Variants in SDCCAG8 observed in about 807,000 individuals in gnomAD.
SDCCAG8 encodes the protein serologically defined colon cancer antigen 8.
Under a neutral mutation model 101.8 loss-of-function variants are expected in SDCCAG8, and 74 were observed. The ratio of observed to expected loss-of-function variants is 0.73; its 90% CI spans 0.60 to 0.88. The LOEUF (loss-of-function observed/expected upper bound fraction) is 0.88. Among genes scored for constraint, SDCCAG8 ranks in the 40% least tolerant of loss-of-function variants. SDCCAG8 has a pLI of 0.00. For missense variants in SDCCAG8, 787 were observed against 822.6 expected, an observed-to-expected ratio of 0.96 and a Z score of 0.53; for synonymous variants, 281 against 292.9, an observed-to-expected ratio of 0.96 and a Z score of 0.41.
Position 243,256,061 on chromosome 1 carries a change from A to G in SDCCAG8, c.-113A>G. ...GCGGGATTCTAGGCTCCCCTGTGAC[A>G]GCCGCGGCAGGAAGCAGGCGGGCGC... On this transcript the variant is annotated 5_prime_UTR_variant, in exon 1 of 18. Transcript: ENST00000366541. The G allele has an allele frequency of 1.0e-6, 1 of 972,946 alleles. No individual in the cohort carries two copies. The allele number at this position is 972,946 out of a possible 1,614,324, so 60.3% of individuals were successfully genotyped here.
In SDCCAG8 at chr1:243,337,698, C is replaced by T. The variant is rs13375415; in HGVS notation, c.1222-3341C>T. Among the ~76,000 whole-genome samples, 722 of 152,226 alleles carry T rather than the reference C, an allele frequency of 4.7e-3. 5 individuals are homozygous for T. The highest frequency in any genetic ancestry group is 0.017 in the African/African-American group (696 of 41,536). Reference sequence around the variant, plus strand: ...AATATAATGTCTGACTTACCGTGGGCATTTAATAAATTTTAGCTTGTGGCT... The same window carrying T: ...AATATAATGTCTGACTTACCGTGGGTATTTAATAAATTTTAGCTTGTGGCT... On this transcript the variant is annotated intron_variant, in intron 10 of 17. Transcript: ENST00000366541.
At chr1:243,296,686 G>A (rs1335858401) in intron 6 of SDCCAG8, among the ~76,000 whole-genome samples, 1 of 151,158 alleles carries the variant, frequency 6.6e-6, no homozygotes, top group Admixed American at 6.6e-5. Context: ...GGGACTACAG[G>A]CGCCCGCCAC....
intron 16 of SDCCAG8, among the ~76,000 whole-genome samples, chr1:243,433,390 G>T (rs1049771865): frequency 6.7e-6 from 1 of 149,672 alleles, no homozygotes; most frequent in Non-Finnish European, 1.5e-5. Flanking sequence ...ATACTCTGCC[G>T]CACTCTCGTG....
rs1438326352 is a variant in SDCCAG8, at chr1:243,270,109, T to C, written c.72T>C (p.His24=). ...TTCGTCAGGTTGTTCTTGCAGAACA[T>C]GCCAGCAGAAGCATTCACCAACTGA... is the stretch of plus-strand genomic sequence containing the variant. ...LGQYQRSLRE[H]ASRSIHQLTC... Residue 24 remains histidine, a synonymous_variant, in exon 2 of 18, where the codon CAT becomes CAC. Transcript: ENST00000366541. 1.2e-6 allele frequency: 2 copies of C among 1,614,198 alleles called. No individual in the cohort carries two copies. The highest frequency in any genetic ancestry group is 1.7e-6 in the Non-Finnish European group (2 of 1,180,046).
intron 13 of SDCCAG8, 65 bp downstream of exon 13, chr1:243,378,928 T>G: frequency 6.3e-7 from 1 of 1,597,668 alleles, no homozygotes; most frequent in South Asian, 1.1e-5. Context: ...GCCACAGGCT[T>G]CCAAACAGTT....
chr1:243,427,646 T>C lies in SDCCAG8; in HGVS notation c.1985+1088T>C, dbSNP rs758877068. On this transcript the variant is annotated intron_variant, in intron 16 of 17. Transcript: ENST00000366541. The stretch of plus-strand genomic sequence containing the variant: ...GGAAATGAAAATATTTATAGACTCC[T>C]TGTATTTTTTTAAATGTAAAGTAAG... 9.2e-5 allele frequency among the ~76,000 whole-genome samples: 14 copies of C among 152,310 alleles called. No individual in the cohort carries two copies. In the South Asian group the frequency reaches 2.5e-3, roughly 27 times the overall value.
At chr1:243,482,959 C>T (rs1401905435) in intron 16 of SDCCAG8, among the ~76,000 whole-genome samples, 9 of 152,174 alleles carry the variant, frequency 5.9e-5, no homozygotes, top group Admixed American at 5.2e-4. Flanking sequence ...CTTCTTGCAG[C>T]GGGGGCTGCT....
chr1:243,390,043 G>T (rs2078607084), intron 13 of SDCCAG8, among the ~76,000 whole-genome samples: 1 of 152,126 alleles, frequency 6.6e-6, no homozygotes, highest in Non-Finnish European at 1.5e-5. Flanking sequence ...CTCATCTTAA[G>T]ATAACAACAA....
At chr1:243,384,590 CCACACACA>C (rs113914411) in intron 13 of SDCCAG8, among the ~76,000 whole-genome samples, 1 of 149,346 alleles carries the variant, frequency 6.7e-6, no homozygotes, top group Non-Finnish European at 1.5e-5. Flanking sequence ...TGTTTAAAAA[CCACACACA>C]CACACACACA....
chr1:243,301,758 G>GA (rs555510702), intron 6 of SDCCAG8, among the ~76,000 whole-genome samples: 26 of 146,730 alleles, frequency 1.8e-4, no homozygotes, highest in Non-Finnish European at 2.7e-4. Context: ...TATAATTTGA[G>GA]GAAAAAAAAA....
chr1:243,342,810 C>G (rs762278455), intron 11 of SDCCAG8, among the ~76,000 whole-genome samples: 16 of 152,144 alleles, frequency 1.1e-4, no homozygotes, highest in Admixed American at 2.0e-4. Context: ...GGCATTTGAA[C>G]TTCCAATAGA....
intron 16 of SDCCAG8, among the ~76,000 whole-genome samples, chr1:243,445,395 A>G (rs1483576292): frequency 6.6e-6 from 1 of 152,262 alleles, no homozygotes; most frequent in Non-Finnish European, 1.5e-5. Context: ...TACTGTACCC[A>G]CTCAATAACT....
intron 13 of SDCCAG8, among the ~76,000 whole-genome samples, chr1:243,394,093 G>T (rs1450648652): frequency 1.3e-5 from 2 of 152,148 alleles, no homozygotes; most frequent in African/African-American, 4.8e-5. Flanking sequence ...TTAAAACGAC[G>T]ACTTTAACAA....
intron 16 of SDCCAG8, among the ~76,000 whole-genome samples, chr1:243,456,074 G>T (rs1285080048): frequency 2.0e-5 from 3 of 152,170 alleles, no homozygotes; most frequent in Non-Finnish European, 4.4e-5. Context: ...GACCCAGTCA[G>T]TTCAGTCTCC....
At position 243,264,948 on chromosome 1, in the gene SDCCAG8, TC is replaced by T. The variant is rs369039574; in HGVS notation, c.68-5154del. 3.3e-4 allele frequency among the ~76,000 whole-genome samples: 51 copies of T among 152,320 alleles called. No homozygotes were observed. In the East Asian group the frequency reaches 7.9e-3, roughly 24 times the overall value. On this transcript the variant is annotated intron_variant, in intron 1 of 17. Transcript: ENST00000366541. ...TTGGTTAGAAACAGATAAAGCTGTGTCCCATTAGCAGTTGGATAGGAAACGG... is the reference window on the plus strand; with the variant it reads ...TTGGTTAGAAACAGATAAAGCTGTGTCCATTAGCAGTTGGATAGGAAACGG...
At chr1:243,322,903 G>A (rs1014806583) in intron 9 of SDCCAG8, among the ~76,000 whole-genome samples, 4 of 151,990 alleles carry the variant, frequency 2.6e-5, no homozygotes, top group Non-Finnish European at 5.9e-5. Flanking sequence ...TTGGGAGGCT[G>A]AGGCAGGCAG....
intron 13 of SDCCAG8, among the ~76,000 whole-genome samples, chr1:243,398,337 T>G (rs2079152104): frequency 6.6e-6 from 1 of 152,244 alleles, no homozygotes; most frequent in Non-Finnish European, 1.5e-5. Flanking sequence ...TTTACTCCTG[T>G]GCTGTATATC....
intron 17 of SDCCAG8, among the ~76,000 whole-genome samples, chr1:243,492,723 TCA>T (rs1666867272): frequency 6.8e-6 from 1 of 147,882 alleles, no homozygotes; most frequent in African/African-American, 2.5e-5. Context: ...TTCTCCTGCC[TCA>T]GCCTCCCAAG....
chr1:243,475,975 C>A (rs1440222131), intron 16 of SDCCAG8: 7 of 985,334 alleles, frequency 7.1e-6, no homozygotes, highest in Non-Finnish European at 8.4e-6. Context: ...TGCTGGAACC[C>A]ACTAGAAACC....
Sources: allele counts gnomAD v4.1 joint callset (sites outside exome capture counted in the v4.1 genomes callset), GRCh38; gene constraint gnomAD v4.1.1; transcripts MANE v1.5; gene names NCBI Gene and HGNC (gene_info 2026-07-23, HGNC 2026-07-21).